KLHL7: variants seen among roughly 807,000 people sequenced by gnomAD.
KLHL7 encodes kelch like family member 7.
A neutral mutation model predicts 67.4 loss-of-function variants in KLHL7; 44 were observed. That is an observed-to-expected ratio of 0.65 (90% CI 0.51 to 0.84). The LOEUF (loss-of-function observed/expected upper bound fraction) is 0.84. Among genes scored for constraint, KLHL7 ranks in the 40% least tolerant of loss-of-function variants. The probability of loss-of-function intolerance (pLI) is 0.00; values close to 1 mark genes in which losing one functional copy is unlikely to be tolerated. For missense variants in KLHL7, 362 were observed against 718.1 expected (o/e 0.50, Z 5.67); for synonymous variants, 252 against 243.3 (o/e 1.04, Z -0.33).
intron 4 of KLHL7, among the ~76,000 whole-genome samples, chr7:23,133,210 G>C (rs1319170893): frequency 6.6e-6 from 1 of 152,054 alleles, no homozygotes; most frequent in Non-Finnish European, 1.5e-5. Flanking sequence ...GGATTACATT[G>C]AATCTGTAGA....
intron 1 of KLHL7, among the ~76,000 whole-genome samples, chr7:23,120,286 C>T (rs1489404587): frequency 6.6e-6 from 1 of 152,206 alleles, no homozygotes; most frequent in Non-Finnish European, 1.5e-5. Context: ...TTTGGGATTA[C>T]AGGCATGAGT....
At chr7:23,141,470 T>C (rs1183049476) in intron 5 of KLHL7, among the ~76,000 whole-genome samples, 1 of 152,250 alleles carries the variant, frequency 6.6e-6, no homozygotes, top group African/African-American at 2.4e-5. Context: ...GTTTCTCCTG[T>C]AGAGTCTCCA....
At chr7:23,128,654 G>C (rs1783677471) in intron 4 of KLHL7, among the ~76,000 whole-genome samples, 1 of 151,968 alleles carries the variant, frequency 6.6e-6, no homozygotes, top group East Asian at 1.9e-4. Context: ...GTCACGGTAA[G>C]TTTTATGTGT....
chr7:23,168,280 G>C (rs1785060235), intron 9 of KLHL7, among the ~76,000 whole-genome samples: 1 of 152,146 alleles, frequency 6.6e-6, no homozygotes, highest in African/African-American at 2.4e-5. Context: ...TGCAATAAAT[G>C]CCTATGAATG....
chr7:23,174,117 G>A lies in KLHL7; in HGVS notation c.1580G>A (p.Gly527Asp). 1 of 1,614,170 alleles carries A rather than the reference G, an allele frequency of 6.2e-7. No individual in the cohort carries two copies. Residue 527 changes from glycine to aspartate, a missense_variant, in exon 11 of 11, where the codon GGC becomes GAC. Physicochemically the swap from Gly to Asp is moderately conservative, Grantham distance 94 (BLOSUM62 -1). Around this residue, in one of 5 missense-constraint regions of KLHL7, gnomAD observed 136 missense variants for 252.7 expected, o/e 0.54. Coordinates refer to ENST00000339077, the MANE Select transcript of KLHL7 (RefSeq NM_001031710.3). ...GTAACAGTGAAATGTGCAGCAGTTG[G>A]CTCTATAGTTTATGTCTTGGCTGGT... ...KGVTVKCAAVGSIVYVLAGFQ... is the reference protein window; with the variant it reads ...KGVTVKCAAVDSIVYVLAGFQ...
chr7:23,133,440 A>G (rs776498319), intron 4 of KLHL7, among the ~76,000 whole-genome samples: 1 of 151,444 alleles, frequency 6.6e-6, no homozygotes, highest in Non-Finnish European at 1.5e-5. Flanking sequence ...TTTTATTTTT[A>G]TATTTTTTTG....
rs61573730 is a variant in KLHL7, at chr7:23,146,667, T to TTCTTCGTC, written c.793+2643_793+2644insCTTCGTCT. On this transcript the variant is annotated intron_variant, in intron 6 of 10. Coordinates refer to ENST00000339077, the MANE Select transcript of KLHL7 (RefSeq NM_001031710.3). ...GTTCTTCTTCTTCTTCTTCTTCTTC[T>TTCTTCGTC]TTTTTTTTTAATTTTAAGGCTATAT... 7.6e-3 allele frequency among the ~76,000 whole-genome samples: 545 copies of TTCTTCGTC among 71,620 alleles called. 2 individuals are homozygous for TTCTTCGTC. Among genetic ancestry groups the TTCTTCGTC allele is most frequent in the African/African-American group, 0.023 (495 of 21,796 alleles). 47.0% of individuals were successfully genotyped at this position (71,620 alleles called of 152,430 possible).
chr7:23,153,415 G>C (rs1048932656), intron 7 of KLHL7, among the ~76,000 whole-genome samples: 6 of 152,084 alleles, frequency 3.9e-5, no homozygotes, highest in African/African-American at 1.4e-4. Context: ...AGTCTATTTG[G>C]GTATTTTGTG....
intron 10 of KLHL7, among the ~76,000 whole-genome samples, chr7:23,173,487 T>C (rs1785223530): frequency 6.6e-6 from 1 of 152,238 alleles, no homozygotes; most frequent in Admixed American, 6.5e-5. Context: ...AATGACTAAA[T>C]TTGGCATTTT....
intron 4 of KLHL7, among the ~76,000 whole-genome samples, chr7:23,139,088 T>TAACAAA (rs1784088537): frequency 1.5e-5 from 2 of 129,862 alleles, no homozygotes; most frequent in Non-Finnish European, 3.3e-5. Flanking sequence ...TTATTAATGC[T>TAACAAA]AAAAAAAAAA....
At position 23,129,459 on chromosome 7, in the gene KLHL7, A is replaced by C. The variant is rs142548137; in HGVS notation, c.442+4287A>C. 230 of 347,944 alleles carry C rather than the reference A, an allele frequency of 6.6e-4. 2 individuals are homozygous for C. The East Asian group carries it at 0.019, about 29-fold the overall frequency. 21.6% of individuals were successfully genotyped at this position (347,944 alleles called of 1,614,324 possible). A position where few individuals can be genotyped will look rare whatever the true frequency, so the allele number is the denominator to read the frequency against. Reference sequence around the variant, plus strand: ...TAGCTGGTTTTCCAAGGACACTGCCATAGGCAGAAGCCCTAGATGAGCTTA... The same window carrying C: ...TAGCTGGTTTTCCAAGGACACTGCCCTAGGCAGAAGCCCTAGATGAGCTTA... On this transcript the variant is annotated intron_variant, in intron 4 of 10. Coordinates refer to ENST00000339077, the MANE Select transcript of KLHL7 (RefSeq NM_001031710.3).
chr7:23,119,795 GTT>G (rs1783255714), intron 1 of KLHL7, among the ~76,000 whole-genome samples: 1 of 148,912 alleles, frequency 6.7e-6, no homozygotes, highest in African/African-American at 2.5e-5. Context: ...TTTCATTTGT[GTT>G]TCTTTATGGC....
At chr7:23,147,323 C>T (rs1279927420) in intron 6 of KLHL7, among the ~76,000 whole-genome samples, 1 of 152,138 alleles carries the variant, frequency 6.6e-6, no homozygotes, top group Non-Finnish European at 1.5e-5. Flanking sequence ...CTCCTGGCCT[C>T]AAGAGACCCG....
intron 4 of KLHL7, among the ~76,000 whole-genome samples, chr7:23,126,849 C>T (rs1300258887): frequency 3.9e-5 from 6 of 152,150 alleles, no homozygotes; most frequent in Non-Finnish European, 8.8e-5. Flanking sequence ...AATAGCTATG[C>T]AGGTGAATAT....
In KLHL7 at chr7:23,152,103, G is replaced by A. The variant is rs1012120852; in HGVS notation, c.830G>A (p.Arg277Gln). Residue 277 changes from arginine (R) to glutamine (Q), a missense_variant, in exon 7 of 11, where the codon CGA (arginine) becomes CAA (glutamine). By Grantham distance (43) the Arg-to-Gln change is conservative. This residue lies in a region of KLHL7 where 155 missense variants were observed against 280.8 expected (regional missense o/e 0.55). Coordinates refer to ENST00000339077, the MANE Select transcript of KLHL7 (RefSeq NM_001031710.3). ...MRYHLLSPED[R>Q]EELVDGTRPR... ...TACCATCTACTGTCTCCAGAGGACC[G>A]AGAAGAACTTGTAGATGGCACAAGA... 1.9e-6 allele frequency: 3 copies of A among 1,613,854 alleles called. No homozygotes were observed. The highest frequency in any genetic ancestry group is 2.2e-5 in the East Asian group (1 of 44,878).
chr7:23,172,727 C>A, intron 9 of KLHL7: 1 of 449,734 alleles, frequency 2.2e-6, no homozygotes, highest in East Asian at 3.6e-5. Context: ...TATATCCTAT[C>A]AGAATTGAAA....
intron 7 of KLHL7, among the ~76,000 whole-genome samples, chr7:23,164,748 A>C (rs1291938064): frequency 6.6e-6 from 1 of 152,218 alleles, no homozygotes; most frequent in East Asian, 1.9e-4. Flanking sequence ...GTGATACTTT[A>C]ATCCAATGAA....
intron 6 of KLHL7, among the ~76,000 whole-genome samples, chr7:23,147,173 T>C (rs1344202947): frequency 6.8e-6 from 1 of 146,082 alleles, no homozygotes; most frequent in African/African-American, 2.5e-5. Context: ...AACTGCAACC[T>C]CCACCTCCTG....
chr7:23,106,408 G>A, intron 1 of KLHL7: 8 of 1,313,026 alleles, frequency 6.1e-6, no homozygotes, highest in Middle Eastern at 3.0e-4. Flanking sequence ...GGCTTTCGCC[G>A]TCGGGTATCG....
Sources: gnomAD v4.1 joint callset for allele counts (sites outside exome capture counted in the v4.1 genomes callset) on GRCh38, gnomAD v4.1.1 for gene constraint, gnomAD v4.1.1 regional missense constraint, MANE v1.5 for transcripts, NCBI Gene and HGNC (gene_info 2026-07-23, HGNC 2026-07-21) for gene names.